The following NLGN1 variants were observed in gnomAD, a reference collection of about 807,000 sequenced individuals.
NLGN1 encodes the protein neuroligin-1.
A neutral mutation model predicts 65.5 loss-of-function variants in NLGN1; 12 were observed. That is an observed-to-expected ratio of 0.18 (90% confidence interval 0.12 to 0.30). The LOEUF is 0.30. Among genes scored for constraint, NLGN1 ranks in the 10% least tolerant of loss-of-function variants. NLGN1 has a pLI of 1.00. For missense variants in NLGN1, 750 were observed against 1,007.1 expected (o/e 0.74, Z 3.46); for synonymous variants, 350 against 359.5 (o/e 0.97, Z 0.30).
chr3:174,218,040 C>G (rs1334686938), intron 4 of NLGN1, among the ~76,000 whole-genome samples: 2 of 152,174 alleles, frequency 1.3e-5, no homozygotes, highest in African/African-American at 2.4e-5. Flanking sequence ...CTTTGGCCCA[C>G]TCACAGCTCT....
At position 173,914,131 on chromosome 3, in the gene NLGN1, G is replaced by A. The variant is rs183977260; in HGVS notation, c.646+106299G>A. The stretch of plus-strand genomic sequence containing the variant: ...TTGGGCTGTGGTTCTGCCTCCCTAG[G>A]TACTCCAACAGCCATCTCTCTTTGA... On this transcript the variant is annotated intron_variant, in intron 4 of 6. Coordinates refer to ENST00000457714, the Ensembl canonical transcript of NLGN1. Among the ~76,000 whole-genome samples the A allele has an allele frequency of 1.5e-3, 235 of 152,190 alleles. 2 individuals carry two copies. The highest frequency in any genetic ancestry group is 5.4e-3 in the African/African-American group (224 of 41,532).
intron 2 of NLGN1, chr3:173,584,754 G>A (rs1747046989): frequency 1.4e-5 from 2 of 144,430 alleles, no homozygotes; most frequent in Non-Finnish European, 3.0e-5. Context: ...CAATCGACAC[G>A]TTTTAGAAGT....
chr3:173,671,842 G>T (rs1336409245), intron 3 of NLGN1, among the ~76,000 whole-genome samples: 1 of 152,176 alleles, frequency 6.6e-6, no homozygotes, highest in African/African-American at 2.4e-5. Flanking sequence ...TATTTTTAAT[G>T]CAGAATGAGT....
At chr3:174,272,355 G>T (rs181035425) in intron 4 of NLGN1, among the ~76,000 whole-genome samples, 1 of 151,696 alleles carries the variant, frequency 6.6e-6, no homozygotes, top group African/African-American at 2.4e-5. Context: ...GGTATAGAAT[G>T]CTGTCAATGT....
At chr3:173,704,438 A>G (rs916145484) in intron 3 of NLGN1, among the ~76,000 whole-genome samples, 4 of 152,218 alleles carry the variant, frequency 2.6e-5, no homozygotes, top group Non-Finnish European at 5.9e-5. Flanking sequence ...AGTGAGGTAA[A>G]TAATAGAGAC....
chr3:173,445,089 A>G (rs1190926816), intron 2 of NLGN1, among the ~76,000 whole-genome samples: 1 of 151,594 alleles, frequency 6.6e-6, no homozygotes, highest in East Asian at 1.9e-4. Context: ...TAAAACGGTG[A>G]AACCCCGTCT....
chr3:173,926,105 A>G (rs1742948681), intron 4 of NLGN1, among the ~76,000 whole-genome samples: 1 of 151,930 alleles, frequency 6.6e-6, no homozygotes, highest in Non-Finnish European at 1.5e-5. Flanking sequence ...ATACATTTAG[A>G]TTTTCAGGTC....
intron 2 of NLGN1, among the ~76,000 whole-genome samples, chr3:173,447,015 G>T (rs375141796): frequency 1.3e-5 from 2 of 152,218 alleles, no homozygotes; most frequent in South Asian, 4.2e-4. Flanking sequence ...TCTGTAGGTT[G>T]CCTGTTCACT....
intron 4 of NLGN1, among the ~76,000 whole-genome samples, chr3:174,147,368 T>C (rs113996454): frequency 0.01 from 1,560 of 150,458 alleles, 22 homozygotes; most frequent in African/African-American, 0.036. Context: ...CCAGTGCTTC[T>C]GATCTTGCAA....
At chr3:174,056,282 T>C (rs1245917153) in intron 4 of NLGN1, among the ~76,000 whole-genome samples, 1 of 152,084 alleles carries the variant, frequency 6.6e-6, no homozygotes, top group Non-Finnish European at 1.5e-5. Flanking sequence ...TCTGCATTTG[T>C]TTCTTACTTT....
intron 1 of NLGN1, among the ~76,000 whole-genome samples, chr3:173,422,317 A>G (rs905313040): frequency 6.6e-6 from 1 of 152,204 alleles, no homozygotes; most frequent in African/African-American, 2.4e-5. Flanking sequence ...AGAGCTAAAA[A>G]GTTTATCTCA....
intron 4 of NLGN1, among the ~76,000 whole-genome samples, chr3:174,265,386 GC>G (rs1747857015): frequency 6.6e-6 from 1 of 152,124 alleles, no homozygotes; most frequent in Non-Finnish European, 1.5e-5. Context: ...CTTGTGGTGC[GC>G]CGTTTTTTAA....
intron 2 of NLGN1, among the ~76,000 whole-genome samples, chr3:173,467,204 C>A (rs1359430194): frequency 5.9e-5 from 9 of 151,864 alleles, no homozygotes; most frequent in African/African-American, 2.2e-4. Flanking sequence ...TTTCTCACAT[C>A]ATTAAATATT....
chr3:173,502,555 G>GT (rs772125426), intron 2 of NLGN1, among the ~76,000 whole-genome samples: 1 of 152,098 alleles, frequency 6.6e-6, no homozygotes, highest in Non-Finnish European at 1.5e-5. Context: ...CACGTTTCAA[G>GT]TTCACTTATG....
chr3:173,803,282 T>G (rs1258482973), intron 3 of NLGN1, among the ~76,000 whole-genome samples: 2 of 152,182 alleles, frequency 1.3e-5, no homozygotes, highest in Non-Finnish European at 2.9e-5. Flanking sequence ...AGAAGTATTT[T>G]TAAAAATTTT....
At chr3:173,895,094 T>G (rs1378391512) in intron 4 of NLGN1, among the ~76,000 whole-genome samples, 2 of 152,074 alleles carry the variant, frequency 1.3e-5, no homozygotes, top group African/African-American at 4.8e-5. Context: ...GAGTTGTTGA[T>G]CTAATAATTC....
intron 4 of NLGN1, among the ~76,000 whole-genome samples, chr3:173,997,373 G>T (rs1202082279): frequency 6.6e-6 from 1 of 152,056 alleles, no homozygotes; most frequent in South Asian, 2.1e-4. Flanking sequence ...AATTGACTAG[G>T]ATTCTGCATC....
chr3:173,839,832 T>C (rs1578724370), intron 4 of NLGN1, among the ~76,000 whole-genome samples: 1 of 152,164 alleles, frequency 6.6e-6, no homozygotes, highest in East Asian at 1.9e-4. Context: ...ATTCAAATCA[T>C]CTGGAAAAAT....
intron 2 of NLGN1, among the ~76,000 whole-genome samples, chr3:173,436,627 C>A (rs1459785875): frequency 2.0e-5 from 3 of 152,202 alleles, no homozygotes; most frequent in Non-Finnish European, 4.4e-5. Context: ...TCTTCTTTGT[C>A]TTGTTGTATG....
Sources: allele counts gnomAD v4.1 joint callset (sites outside exome capture counted in the v4.1 genomes callset), GRCh38; gene constraint gnomAD v4.1.1; transcripts MANE v1.5; gene names NCBI Gene and HGNC (gene_info 2026-07-23, HGNC 2026-07-21).